Variants in GFM2 observed in about 807,000 individuals in gnomAD.
The protein encoded by GFM2 is ribosome-releasing factor 2, mitochondrial.
Under a neutral mutation model 95.4 loss-of-function variants are expected in GFM2, and 72 were observed. The observed-to-expected ratio is 0.76, with a 90% CI of 0.62 to 0.92. The LOEUF (loss-of-function observed/expected upper bound fraction) is 0.92. Among genes scored for constraint, GFM2 ranks in the 40% least tolerant of loss-of-function variants. The probability of loss-of-function intolerance (pLI) is 0.00; values close to 1 mark genes in which losing one functional copy is unlikely to be tolerated. For missense variants in GFM2, 825 were observed against 924.1 expected (o/e 0.89, Z 1.39); for synonymous variants, 276 against 317.5 (o/e 0.87, Z 1.39).
intron 15 of GFM2, chr5:74,736,421 T>C (rs1320619878): frequency 2.0e-6 from 2 of 983,714 alleles, no homozygotes; most frequent in Non-Finnish European, 2.4e-6. Context: ...GAGGTTGAGG[T>C]AGAAAACAAG....
At position 74,736,894 on chromosome 5, in the gene GFM2, T is replaced by C; in HGVS notation, c.1412A>G (p.Gln471Arg). ...TAAAAGTCTCTCTGCTTCATTGTTT[T>C]GTCTGTGCTTCTTTTCTCCCTCCCG... is the stretch of plus-strand genomic sequence containing the variant. Reference protein sequence around the residue: ...AEREGEKKHRQNNEAERLLLA... With the variant: ...AEREGEKKHRRNNEAERLLLA... Residue 471 changes from glutamine to arginine, a missense_variant, in exon 15 of 21, where the codon CAA becomes CGA. Gln to Arg is a conservative substitution (Grantham distance 43, BLOSUM62 1). Coordinates refer to ENST00000296805, the MANE Select transcript of GFM2 (RefSeq NM_032380.5). 9 of 1,613,930 alleles carry C rather than the reference T, an allele frequency of 5.6e-6. No homozygotes were observed. The highest frequency in any genetic ancestry group is 1.1e-5 in the South Asian group (1 of 91,086).
At chr5:74,742,328 A>G (rs1446977998) in intron 10 of GFM2, among the ~76,000 whole-genome samples, 1 of 152,012 alleles carries the variant, frequency 6.6e-6, no homozygotes, top group Non-Finnish European at 1.5e-5. Flanking sequence ...CCTTCTGGAA[A>G]GCATTATATG....
chr5:74,746,039 T>C (rs1441283590), intron 9 of GFM2, 66 bp downstream of exon 9: 19 of 1,202,414 alleles, frequency 1.6e-5, no homozygotes, highest in Non-Finnish European at 2.2e-5. Context: ...TTTGGAAATG[T>C]ATATATTGTC....
At chr5:74,759,039 T>C (rs1744142008) in intron 4 of GFM2, 93 bp from the exon 5 acceptor site, 1 of 746,394 alleles carries the variant, frequency 1.3e-6, no homozygotes, top group African/African-American at 1.8e-5. Flanking sequence ...ATTTCTATAA[T>C]TTATAAAACT....
At chr5:74,723,888 G>A (rs1364661057) in intron 19 of GFM2, among the ~76,000 whole-genome samples, 1 of 151,938 alleles carries the variant, frequency 6.6e-6, no homozygotes, top group Non-Finnish European at 1.5e-5. Context: ...CTAATACTTT[G>A]GCTATATTTA....
intron 16 of GFM2, among the ~76,000 whole-genome samples, chr5:74,732,533 T>C (rs1194487397): frequency 6.6e-6 from 1 of 152,214 alleles, no homozygotes. Flanking sequence ...ACATCTGTTC[T>C]ACTGTGCTAT....
intron 10 of GFM2, among the ~76,000 whole-genome samples, chr5:74,745,215 C>T (rs994855594): frequency 5.3e-5 from 8 of 151,998 alleles, no homozygotes; most frequent in East Asian, 1.9e-4. Flanking sequence ...AGTGGTGGTG[C>T]GTGCCTGTAA....
intron 7 of GFM2, among the ~76,000 whole-genome samples, chr5:74,748,323 G>A (rs1743494266): frequency 1.3e-5 from 2 of 152,120 alleles, no homozygotes; most frequent in Non-Finnish European, 2.9e-5. Flanking sequence ...ATAGCTCAAT[G>A]CGTTTTGATA....
intron 19 of GFM2, among the ~76,000 whole-genome samples, chr5:74,723,536 T>G (rs1482077811): frequency 6.6e-6 from 1 of 152,190 alleles, no homozygotes; most frequent in Non-Finnish European, 1.5e-5. Context: ...TTAGTCCATT[T>G]CCTGTCCTCT....
At chr5:74,727,997 CTCCTT>C (rs1297669956) in intron 17 of GFM2, among the ~76,000 whole-genome samples, 1 of 152,170 alleles carries the variant, frequency 6.6e-6, no homozygotes, top group Non-Finnish European at 1.5e-5. Flanking sequence ...ATCAACATCT[CTCCTT>C]TCCCCAGCTT....
chr5:74,749,370 C>T (rs1743576876), intron 7 of GFM2, among the ~76,000 whole-genome samples: 1 of 152,170 alleles, frequency 6.6e-6, no homozygotes. Context: ...TCCACATCCT[C>T]ACCAACATTT....
Position 74,722,368 on chromosome 5 carries a change from A to G in GFM2, c.2211+11T>C, listed in dbSNP as rs1561231704. The G allele has an allele frequency of 6.2e-7, 1 of 1,609,578 alleles. No homozygotes were observed. The highest frequency in any genetic ancestry group is 2.2e-5 in the East Asian group (1 of 44,844). The stretch of plus-strand genomic sequence containing the variant: ...AGAAGAATATGTACTTTTCAGTTAC[A>G]AAGTACCTACCATAATTTCTGCTAA... On this transcript the variant is annotated intron_variant, in intron 20 of 20. Transcript: ENST00000296805.
chr5:74,726,316 T>C (rs1401018947), intron 17 of GFM2, among the ~76,000 whole-genome samples, 190 bp from the exon 18 acceptor site: 2 of 152,214 alleles, frequency 1.3e-5, no homozygotes, highest in African/African-American at 4.8e-5. Context: ...CATCTGCTTC[T>C]GTGTTGATCA....
chr5:74,750,272 C>G (rs1391868961), intron 7 of GFM2, among the ~76,000 whole-genome samples: 5 of 152,186 alleles, frequency 3.3e-5, no homozygotes, highest in African/African-American at 1.2e-4. Context: ...TATAATCAAT[C>G]TCACACCACA....
Position 74,721,749 on chromosome 5 carries a change from C to A in GFM2, c.2246G>T (p.Gly749Val). ...TAGTTCTAAGGCAAAAGTAGCTGAGCCTGATGTTAGCGTTCGAAGCACAGT... is the reference window on the plus strand; with the variant it reads ...TAGTTCTAAGGCAAAAGTAGCTGAGACTGATGTTAGCGTTCGAAGCACAGT... ...YSTVLRTLTS[G>V]SATFALELST... Residue 749 changes from glycine (G) to valine (V), a missense_variant, in exon 21 of 21, where the codon GGC (glycine) becomes GTC (valine). By Grantham distance (109) the Gly-to-Val change is moderately radical. Transcript: ENST00000296805. 6.2e-7 allele frequency: 1 copy of A among 1,613,506 alleles called. No individual in the cohort carries two copies. Among genetic ancestry groups the A allele is most frequent in the Non-Finnish European group, 8.5e-7 (1 of 1,179,704 alleles).
intron 10 of GFM2, 152 bp from the exon 11 acceptor site, chr5:74,741,761 G>A: frequency 4.5e-6 from 2 of 445,872 alleles, no homozygotes; most frequent in Non-Finnish European, 8.1e-6. Context: ...AAGAGATAAA[G>A]AAAAATGTTT....
Position 74,725,633 on chromosome 5 carries a change from T to C in GFM2, c.2028+7A>G. ...TTAAAGCCATAAGGATTAGGATAGT[T>C]CTATACCTTTTGCACGCATCTTGAG... On this transcript the variant is annotated splice_region_variant and intron_variant, in intron 19 of 20. Coordinates refer to ENST00000296805, the MANE Select transcript of GFM2 (RefSeq NM_032380.5). 6.3e-7 allele frequency: 1 copy of C among 1,580,176 alleles called. No individual in the cohort carries two copies. Among genetic ancestry groups the C allele is most frequent in the Non-Finnish European group, 8.7e-7 (1 of 1,149,304 alleles).
At position 74,763,784 on chromosome 5, in the gene GFM2, C is replaced by A; in HGVS notation, c.-24-18G>T. The A allele has an allele frequency of 6.6e-7, 1 of 1,510,698 alleles. No homozygotes were observed. Among genetic ancestry groups the A allele is most frequent in the South Asian group, 1.1e-5 (1 of 88,698 alleles). The allele number at this position is 1,510,698 out of a possible 1,614,324, so 93.6% of individuals were successfully genotyped here. A position where few individuals can be genotyped will look rare whatever the true frequency, so the allele number is the denominator to read the frequency against. ...GTTACTGTCTGAAAAAATAAATATACAAAATCAAAAAACTAAACTTATGTA... is the reference window on the plus strand; with the variant it reads ...GTTACTGTCTGAAAAAATAAATATAAAAAATCAAAAAACTAAACTTATGTA... On this transcript the variant is annotated intron_variant, in intron 1 of 20. Coordinates refer to ENST00000296805, the MANE Select transcript of GFM2 (RefSeq NM_032380.5).
chr5:74,763,204 CGAA>C (rs1298919885), intron 2 of GFM2, among the ~76,000 whole-genome samples: 4 of 152,122 alleles, frequency 2.6e-5, no homozygotes, highest in African/African-American at 4.8e-5. Context: ...ATCAGACTGC[CGAA>C]GAAGCTGGCT....
Sources: gnomAD v4.1 joint callset for allele counts (sites outside exome capture counted in the v4.1 genomes callset) on GRCh38, gnomAD v4.1.1 for gene constraint, MANE v1.5 for transcripts, NCBI Gene and HGNC (gene_info 2026-07-23, HGNC 2026-07-21) for gene names.